The following WDR70 variants were observed in gnomAD, a reference collection of about 807,000 sequenced individuals.
WDR70 encodes the protein WD repeat-containing protein 70.
WDR70 carries 53 observed loss-of-function variants against 88.6 expected under a neutral mutation model. The observed-to-expected ratio is 0.60, with a 90% CI of 0.48 to 0.75. The LOEUF (loss-of-function observed/expected upper bound fraction) is 0.75. Ranked by LOEUF, WDR70 falls within the 30% of genes least tolerant of loss-of-function variation. WDR70 has a pLI of 0.00. For synonymous variants in WDR70, 280 were observed against 270.0 expected (o/e 1.04, Z -0.36); for missense variants, 610 against 823.2 (o/e 0.74, Z 3.17).
At chr5:37,644,861 CTTTT>C (rs1322970857) in intron 10 of WDR70, among the ~76,000 whole-genome samples, 1 of 151,504 alleles carries the variant, frequency 6.6e-6, no homozygotes, top group Admixed American at 6.6e-5. Context: ...GGTCTTCTGT[CTTTT>C]TTTGTTAATT....
At chr5:37,709,656 G>T (rs940981331) in intron 13 of WDR70, among the ~76,000 whole-genome samples, 1 of 152,138 alleles carries the variant, frequency 6.6e-6, no homozygotes, top group Non-Finnish European at 1.5e-5. Flanking sequence ...AGGGTCAAGA[G>T]CCAACTTCTA....
intron 4 of WDR70, among the ~76,000 whole-genome samples, chr5:37,395,508 G>C (rs1748982907): frequency 6.6e-6 from 1 of 152,160 alleles, no homozygotes; most frequent in South Asian, 2.1e-4. Context: ...CCTGGTTAGA[G>C]TATGGTGTTT....
chr5:37,596,330 A>G (rs1222958634), intron 9 of WDR70, among the ~76,000 whole-genome samples: 1 of 152,164 alleles, frequency 6.6e-6, no homozygotes, highest in Non-Finnish European at 1.5e-5. Flanking sequence ...AAACCAACAG[A>G]AATATAACAG....
chr5:37,619,569 G>C (rs926481137), intron 10 of WDR70, among the ~76,000 whole-genome samples: 5 of 152,126 alleles, frequency 3.3e-5, no homozygotes, highest in Admixed American at 2.0e-4. Flanking sequence ...CTCTAGTAGG[G>C]CTTTTTATAT....
At position 37,492,855 on chromosome 5, in the gene WDR70, A is replaced by G. The variant is rs532863617; in HGVS notation, c.840+12868A>G. Among the ~76,000 whole-genome samples the G allele has an allele frequency of 8.5e-5, 13 of 152,330 alleles. No homozygotes were observed. In the South Asian group the frequency reaches 1.2e-3, roughly 15 times the overall value. ...TGACAAAGGATGCTAACATATAGCA[A>G]TAACTTCTGAAAGCATGGTATGGAG... On this transcript the variant is annotated intron_variant, in intron 8 of 17. Coordinates refer to ENST00000265107, the MANE Select transcript of WDR70 (RefSeq NM_018034.4).
chr5:37,516,576 T>A lies in WDR70; in HGVS notation c.903T>A (p.Thr301=), dbSNP rs755951825. 4 of 1,606,552 alleles carry A rather than the reference T, an allele frequency of 2.5e-6. No homozygotes were observed. The African/African-American group carries it at 5.3e-5, about 21-fold the overall frequency. ...WHPKIKGEFM[T]CSNDATVRTW... ...CCAAAATAAAGGGAGAATTTATGAC[T>A]TGCTCAAATGATGCGTGAGTATTGT... Residue 301 remains threonine (T), a synonymous_variant, in exon 9 of 18, where the codon ACT becomes ACA. Transcript: ENST00000265107.
At chr5:37,615,688 G>C (rs1744318990) in intron 10 of WDR70, among the ~76,000 whole-genome samples, 1 of 152,174 alleles carries the variant, frequency 6.6e-6, no homozygotes, top group Non-Finnish European at 1.5e-5. Flanking sequence ...AGGATTATAT[G>C]CCAGAACTTA....
chr5:37,552,246 A>C (rs1742169020), intron 9 of WDR70, among the ~76,000 whole-genome samples: 1 of 152,186 alleles, frequency 6.6e-6, no homozygotes, highest in Non-Finnish European at 1.5e-5. Context: ...CTTCAACCAG[A>C]TGCATTTTAA....
At chr5:37,733,621 G>GTAGC (rs1211738370) in intron 17 of WDR70, among the ~76,000 whole-genome samples, 3 of 151,800 alleles carry the variant, frequency 2.0e-5, no homozygotes, top group Non-Finnish European at 4.4e-5. Context: ...CTTCATTGTT[G>GTAGC]TAGCGCTGCC....
At chr5:37,681,597 T>C (rs1746438707) in intron 10 of WDR70, among the ~76,000 whole-genome samples, 1 of 152,204 alleles carries the variant, frequency 6.6e-6, no homozygotes, top group African/African-American at 2.4e-5. Flanking sequence ...TTTTGAGGTA[T>C]GTTTCTTTAA....
intron 3 of WDR70, among the ~76,000 whole-genome samples, chr5:37,386,040 C>T (rs1213309337): frequency 6.6e-6 from 1 of 150,986 alleles, no homozygotes; most frequent in Non-Finnish European, 1.5e-5. Flanking sequence ...GTCTCGATCT[C>T]CTGCCCTCAT....
intron 17 of WDR70, among the ~76,000 whole-genome samples, chr5:37,748,337 A>G (rs1748696228): frequency 6.6e-6 from 1 of 152,204 alleles, no homozygotes; most frequent in South Asian, 2.1e-4. Flanking sequence ...ATCTTCGACA[A>G]ACCTGACAAA....
intron 10 of WDR70, among the ~76,000 whole-genome samples, chr5:37,693,917 A>T (rs1746897165): frequency 6.6e-6 from 1 of 152,246 alleles, no homozygotes; most frequent in African/African-American, 2.4e-5. Context: ...GTGAACAGGC[A>T]ACCTACAAAA....
At chr5:37,593,811 G>A (rs140090206) in intron 9 of WDR70, among the ~76,000 whole-genome samples, 4,150 of 152,242 alleles carry the variant, frequency 0.027, 204 homozygotes, top group African/African-American at 0.096. Context: ...TCCAGCATCT[G>A]TTGTTTCCTG....
intron 9 of WDR70, among the ~76,000 whole-genome samples, chr5:37,573,227 C>A (rs1168789059): frequency 6.6e-6 from 1 of 152,128 alleles, no homozygotes; most frequent in East Asian, 1.9e-4. Flanking sequence ...GCCTTAAAGG[C>A]TTTACTCCTA....
chr5:37,654,148 T>C (rs1176650638), intron 10 of WDR70, among the ~76,000 whole-genome samples: 1 of 152,214 alleles, frequency 6.6e-6, no homozygotes, highest in African/African-American at 2.4e-5. Flanking sequence ...GTTGAGTCTT[T>C]GTTTTCATTG....
At chr5:37,462,429 A>T (rs927649638) in intron 7 of WDR70, among the ~76,000 whole-genome samples, 3 of 152,062 alleles carry the variant, frequency 2.0e-5, no homozygotes, top group Non-Finnish European at 2.9e-5. Flanking sequence ...TAGCCTCCTG[A>T]GTAGCTGGGA....
intron 9 of WDR70, among the ~76,000 whole-genome samples, chr5:37,565,689 T>C (rs1021676137): frequency 3.9e-5 from 6 of 152,018 alleles, no homozygotes; most frequent in African/African-American, 1.2e-4. Flanking sequence ...AATTTAAACA[T>C]TTTTTTTAAA....
intron 10 of WDR70, among the ~76,000 whole-genome samples, chr5:37,626,936 T>G (rs1744680825): frequency 6.6e-6 from 1 of 152,200 alleles, no homozygotes; most frequent in Non-Finnish European, 1.5e-5. Flanking sequence ...CTAATGATCC[T>G]TTGTATTTCT....
Sources: allele counts gnomAD v4.1 joint callset (sites outside exome capture counted in the v4.1 genomes callset), GRCh38; gene constraint gnomAD v4.1.1; transcripts MANE v1.5; gene names NCBI Gene and HGNC (gene_info 2026-07-23, HGNC 2026-07-21).